BMAL1: variants seen among roughly 807,000 people sequenced by gnomAD.
The protein encoded by BMAL1 is basic helix-loop-helix ARNT-like protein 1.
the BMAL1 span, among the ~76,000 whole-genome samples, chr11:13,316,230 C>T: frequency 2.0e-5 from 3 of 152,194 alleles, no homozygotes; most frequent in African/African-American, 7.2e-5. Flanking sequence ...ATACTTTGTA[C>T]AGTCAGGGCC....
chr11:13,277,155 C>T, the BMAL1 span: 1 of 152,272 alleles, frequency 6.6e-6, no homozygotes, highest in African/African-American at 2.4e-5. Flanking sequence ...TTTGGCAAAC[C>T]AGGGATTTTA....
the BMAL1 span, chr11:13,366,894 C>G: frequency 1.6e-6 from 1 of 643,184 alleles, no homozygotes; most frequent in African/African-American, 1.9e-5. Context: ...AGTCCTACTT[C>G]TCTGTCCTCT....
the BMAL1 span, among the ~76,000 whole-genome samples, chr11:13,383,073 T>C: frequency 1.3e-5 from 2 of 152,188 alleles, no homozygotes; most frequent in Non-Finnish European, 2.9e-5. Context: ...ACAAGACAGT[T>C]AAAACTGACA....
At chr11:13,375,890 G>A in the BMAL1 span, 1 of 880,250 alleles carries the variant, frequency 1.1e-6, no homozygotes, top group Non-Finnish European at 1.6e-6. Flanking sequence ...TAATACCTGT[G>A]AAGCCTCAGG....
At chr11:13,312,583 G>A in the BMAL1 span, among the ~76,000 whole-genome samples, 3 of 152,242 alleles carry the variant, frequency 2.0e-5, no homozygotes, top group Middle Eastern at 3.4e-3. Flanking sequence ...AGAAAATAGC[G>A]CTAGAAGGCA....
chr11:13,378,247 G>A, the BMAL1 span: 6 of 1,437,658 alleles, frequency 4.2e-6, no homozygotes, highest in Non-Finnish European at 5.5e-6. Context: ...ACTGCAAATG[G>A]ATCATGGGAT....
the BMAL1 span, among the ~76,000 whole-genome samples, chr11:13,278,564 C>T: frequency 6.6e-6 from 1 of 152,234 alleles, no homozygotes; most frequent in Non-Finnish European, 1.5e-5. Flanking sequence ...GGCCCTGTAG[C>T]CAGGGCTGGC....
At chr11:13,358,774 G>A in the BMAL1 span, among the ~76,000 whole-genome samples, 209 of 152,326 alleles carry the variant, frequency 1.4e-3, 1 homozygote, top group South Asian at 3.9e-3. Context: ...GCTTATGTGG[G>A]TTTTGACATG....
the BMAL1 span, among the ~76,000 whole-genome samples, chr11:13,361,062 C>T: frequency 6.6e-6 from 1 of 152,170 alleles, no homozygotes; most frequent in South Asian, 2.1e-4. Flanking sequence ...TGAGATCACT[C>T]CACTGCACTC....
At chr11:13,331,443 A>G in the BMAL1 span, among the ~76,000 whole-genome samples, 2 of 152,252 alleles carry the variant, frequency 1.3e-5, no homozygotes, top group Admixed American at 6.5e-5. Flanking sequence ...GGCAGTGAAG[A>G]TAAGTATTGC....
the BMAL1 span, among the ~76,000 whole-genome samples, chr11:13,328,172 G>A: frequency 2.0e-5 from 3 of 152,092 alleles, no homozygotes; most frequent in African/African-American, 7.2e-5. Flanking sequence ...CGACTGGAGA[G>A]GCTTTTTTTT....
the BMAL1 span, among the ~76,000 whole-genome samples, chr11:13,306,874 G>A: frequency 6.6e-6 from 1 of 152,198 alleles, no homozygotes; most frequent in Admixed American, 6.5e-5. Context: ...TTTGTGTGTT[G>A]GCATCAGACC....
chr11:13,300,658 T>A, the BMAL1 span, among the ~76,000 whole-genome samples: 1 of 152,214 alleles, frequency 6.6e-6, no homozygotes, highest in Non-Finnish European at 1.5e-5. Flanking sequence ...CTTAAGGATA[T>A]TTTTAGAAAT....
chr11:13,319,618 A>G, the BMAL1 span, among the ~76,000 whole-genome samples: 1 of 152,232 alleles, frequency 6.6e-6, no homozygotes, highest in South Asian at 2.1e-4. Context: ...TATGATTTTT[A>G]TATCTTGACT....
chr11:13,280,754 C>T, the BMAL1 span, among the ~76,000 whole-genome samples: 1 of 152,170 alleles, frequency 6.6e-6, no homozygotes, highest in Non-Finnish European at 1.5e-5. Context: ...TTTTCTTCTC[C>T]CTCTCATGAA....
the BMAL1 span, among the ~76,000 whole-genome samples, chr11:13,382,514 C>T: frequency 7.2e-5 from 11 of 152,086 alleles, no homozygotes; most frequent in Admixed American, 7.2e-4. Flanking sequence ...CCCCGCCCCC[C>T]TGCCCACAAC....
chr11:13,285,819 A>G, the BMAL1 span, among the ~76,000 whole-genome samples: 47,298 of 152,098 alleles, frequency 0.31, 7,457 homozygotes, highest in East Asian at 0.46. Context: ...TTATAAAATA[A>G]TAATTTATCA....
chr11:13,368,322 A>G, the BMAL1 span, among the ~76,000 whole-genome samples: 1 of 152,338 alleles, frequency 6.6e-6, no homozygotes, highest in Middle Eastern at 3.4e-3. Flanking sequence ...TGAAAAGATG[A>G]ATTAATGTTT....
the BMAL1 span, among the ~76,000 whole-genome samples, chr11:13,314,166 C>T: frequency 6.6e-5 from 10 of 151,112 alleles, no homozygotes; most frequent in South Asian, 2.1e-4. Flanking sequence ...AAGCACTTAT[C>T]GGTGTTACTG....
Sources: gnomAD v4.1 joint callset for allele counts (sites outside exome capture counted in the v4.1 genomes callset) on GRCh38, gnomAD v4.1.1 for gene constraint, MANE v1.5 for transcripts, NCBI Gene and HGNC (gene_info 2026-07-23, HGNC 2026-07-21) for gene names.